GLIS3: variants seen among roughly 807,000 people sequenced by gnomAD.
GLIS3 encodes zinc finger protein GLIS3.
In GLIS3, 53 loss-of-function variants were observed where a neutral mutation model predicts 78.6. The ratio of observed to expected loss-of-function variants is 0.67; its 90% confidence interval spans 0.54 to 0.85. The LOEUF (loss-of-function observed/expected upper bound fraction) is 0.85. GLIS3 is among the 40% of genes least tolerant of loss of function. GLIS3 has a pLI of 0.00. For synonymous variants in GLIS3, 684 were observed against 509.9 expected (o/e 1.34, Z -4.60); for missense variants, 1,703 against 1,231.1 (o/e 1.38, Z -5.74).
At chr9:4,261,047 A>G (rs925248208) in intron 2 of GLIS3, among the ~76,000 whole-genome samples, 1 of 152,210 alleles carries the variant, frequency 6.6e-6, no homozygotes, top group Non-Finnish European at 1.5e-5. Flanking sequence ...ATGTAGTACT[A>G]GAATTAGAGA....
chr9:3,845,307 A>G (rs1256582525), intron 9 of GLIS3, among the ~76,000 whole-genome samples: 1 of 152,200 alleles, frequency 6.6e-6, no homozygotes, highest in Non-Finnish European at 1.5e-5. Context: ...TCATAAAACA[A>G]AATATAGAAT....
intron 4 of GLIS3, among the ~76,000 whole-genome samples, chr9:4,034,098 G>A (rs968480242): frequency 2.0e-5 from 3 of 151,964 alleles, no homozygotes; most frequent in Middle Eastern, 3.4e-3. Context: ...GCATGGTGGT[G>A]CATGTCTGCA....
At chr9:4,353,399 T>G in the GLIS3 span, among the ~76,000 whole-genome samples, 1 of 152,088 alleles carries the variant, frequency 6.6e-6, no homozygotes, top group Non-Finnish European at 1.5e-5. Context: ...GAAGGAGGTG[T>G]GGGAGTTAAC....
chr9:3,992,424 C>T (rs181631310), intron 4 of GLIS3, among the ~76,000 whole-genome samples: 2 of 152,284 alleles, frequency 1.3e-5, no homozygotes, highest in Non-Finnish European at 2.9e-5. Flanking sequence ...AAAGGTTCTG[C>T]TGAGAAGAGT....
the GLIS3 span, among the ~76,000 whole-genome samples, chr9:4,392,313 G>A: frequency 3.9e-5 from 6 of 152,122 alleles, no homozygotes; most frequent in East Asian, 1.9e-4. Context: ...TCTAGGTGAC[G>A]GGTTGATAGG....
At chr9:4,165,793 T>C (rs1835839544) in intron 2 of GLIS3, among the ~76,000 whole-genome samples, 1 of 152,154 alleles carries the variant, frequency 6.6e-6, no homozygotes, top group Non-Finnish European at 1.5e-5. Flanking sequence ...GGGATAACAA[T>C]AAGATAGTCT....
intron 4 of GLIS3, among the ~76,000 whole-genome samples, chr9:3,982,213 G>GT (rs200029119): frequency 0.011 from 1,596 of 146,332 alleles, 27 homozygotes; most frequent in African/African-American, 0.034. Context: ...TTACCTCTCT[G>GT]TTTTTTTTTT....
intron 4 of GLIS3, among the ~76,000 whole-genome samples, chr9:4,002,310 C>T (rs1162420119): frequency 6.6e-6 from 1 of 152,134 alleles, no homozygotes; most frequent in Non-Finnish European, 1.5e-5. Flanking sequence ...TGACTTTCAT[C>T]CAGTAAGTCC....
At chr9:4,050,035 TG>T (rs1172748471) in intron 4 of GLIS3, among the ~76,000 whole-genome samples, 2 of 152,178 alleles carry the variant, frequency 1.3e-5, no homozygotes, top group Non-Finnish European at 2.9e-5. Flanking sequence ...TGGAAGACAG[TG>T]TGGCAATTCC....
intron 2 of GLIS3, among the ~76,000 whole-genome samples, chr9:4,191,665 C>T (rs942208562): frequency 3.9e-5 from 6 of 152,048 alleles, no homozygotes; most frequent in African/African-American, 9.7e-5. Flanking sequence ...TTCTGCCTTA[C>T]AGTTAGAAAG....
At chr9:4,296,263 A>C (rs1264444280) in intron 1 of GLIS3, among the ~76,000 whole-genome samples, 2 of 150,486 alleles carry the variant, frequency 1.3e-5, no homozygotes, top group African/African-American at 4.9e-5. Flanking sequence ...CCTCAGGCTT[A>C]ATTTACTAGC....
the GLIS3 span, among the ~76,000 whole-genome samples, chr9:4,383,019 T>G: frequency 6.6e-6 from 1 of 152,054 alleles, no homozygotes; most frequent in African/African-American, 2.4e-5. Context: ...TAAAAGGAAG[T>G]TGCAGAAACC....
intron 2 of GLIS3, among the ~76,000 whole-genome samples, chr9:4,166,965 G>T (rs1815899373): frequency 6.6e-6 from 1 of 152,206 alleles, no homozygotes; most frequent in African/African-American, 2.4e-5. Flanking sequence ...GTTCCTGTTT[G>T]CGAACAACTC....
chr9:4,265,904 T>G (rs115002070), intron 2 of GLIS3, among the ~76,000 whole-genome samples: 6,900 of 76,350 alleles, frequency 0.09, 294 homozygotes, highest in African/African-American at 0.25. Flanking sequence ...CTGGTTTTTT[T>G]TTTGTTTGTC....
At chr9:3,898,478 G>A (rs546891882) in intron 7 of GLIS3, 23 of 627,714 alleles carry the variant, frequency 3.7e-5, no homozygotes, top group East Asian at 2.9e-4. Context: ...AAGAGGTAAT[G>A]CATTATTTTA....
At chr9:3,984,606 T>A (rs1819579453) in intron 4 of GLIS3, among the ~76,000 whole-genome samples, 1 of 152,220 alleles carries the variant, frequency 6.6e-6, no homozygotes, top group African/African-American at 2.4e-5. Flanking sequence ...CTTTAGACTG[T>A]AGACTTTTGA....
At chr9:4,057,602 T>G (rs1172231355) in intron 4 of GLIS3, among the ~76,000 whole-genome samples, 1 of 152,006 alleles carries the variant, frequency 6.6e-6, no homozygotes, top group Non-Finnish European at 1.5e-5. Context: ...AAAGTCACAT[T>G]TTGTGTGAAC....
chr9:4,113,213 A>T (rs1466408796), intron 4 of GLIS3, among the ~76,000 whole-genome samples: 1 of 152,086 alleles, frequency 6.6e-6, no homozygotes, highest in African/African-American at 2.4e-5. Flanking sequence ...CCTTTATAGT[A>T]TTTCATTAGG....
chr9:3,996,075 A>G (rs1820726496), intron 4 of GLIS3, among the ~76,000 whole-genome samples: 1 of 152,164 alleles, frequency 6.6e-6, no homozygotes, highest in African/African-American at 2.4e-5. Context: ...AAAAATAATG[A>G]CAATTACACT....
Sources: allele counts gnomAD v4.1 joint callset (sites outside exome capture counted in the v4.1 genomes callset), GRCh38; gene constraint gnomAD v4.1.1; transcripts MANE v1.5; gene names NCBI Gene and HGNC (gene_info 2026-07-23, HGNC 2026-07-21).